Variants in TRPS1 observed in about 807,000 individuals in gnomAD.
TRPS1 encodes the protein transcriptional repressor GATA binding 1.
In TRPS1, 6 loss-of-function variants were observed where a neutral mutation model predicts 101.2. That is an observed-to-expected ratio of 0.06 (90% CI 0.03 to 0.12). The LOEUF is 0.12. Among genes scored for constraint, TRPS1 ranks in the 10% least tolerant of loss-of-function variants. The pLI is 1.00. For synonymous variants in TRPS1, 578 were observed against 589.8 expected, an observed-to-expected ratio of 0.98 and a Z score of 0.29; for missense variants, 1,363 against 1,567.0, an observed-to-expected ratio of 0.87 and a Z score of 2.20.
At chr8:115,507,278 C>G (rs552756931) in intron 5 of TRPS1, among the ~76,000 whole-genome samples, 1 of 152,162 alleles carries the variant, frequency 6.6e-6, no homozygotes, top group South Asian at 2.1e-4. Flanking sequence ...AAATAAGTTA[C>G]AGCTGATTTT....
intron 1 of TRPS1, among the ~76,000 whole-genome samples, chr8:115,625,235 T>C (rs1180617626): frequency 1.3e-4 from 20 of 151,936 alleles, no homozygotes; most frequent in Non-Finnish European, 8.8e-5. Context: ...AAAAATCGTA[T>C]GGAAATTGCA....
chr8:115,651,531 T>C (rs1241351749), intron 1 of TRPS1, among the ~76,000 whole-genome samples: 1 of 152,184 alleles, frequency 6.6e-6, no homozygotes, highest in Non-Finnish European at 1.5e-5. Context: ...ATGCAACACT[T>C]TTGAGAACTA....
At chr8:115,637,184 A>G (rs1222378565) in intron 1 of TRPS1, 2 of 900,556 alleles carry the variant, frequency 2.2e-6, no homozygotes, top group African/African-American at 3.6e-5. Flanking sequence ...AACAATATTA[A>G]CATATGTCAA....
intron 1 of TRPS1, chr8:115,667,771 T>C: frequency 1.4e-6 from 2 of 1,445,884 alleles, no homozygotes; most frequent in Non-Finnish European, 1.8e-6. Flanking sequence ...ATTTGCAAAC[T>C]CTTCAAAGCC....
intron 3 of TRPS1, among the ~76,000 whole-genome samples, chr8:115,612,925 G>A (rs1380318247): frequency 6.6e-6 from 1 of 152,098 alleles, no homozygotes; most frequent in Non-Finnish European, 1.5e-5. Flanking sequence ...GTAGGCGGAG[G>A]ATAAAACCTT....
At chr8:115,641,879 C>T (rs1200312504) in intron 1 of TRPS1, among the ~76,000 whole-genome samples, 2 of 146,958 alleles carry the variant, frequency 1.4e-5, no homozygotes, top group Non-Finnish European at 2.9e-5. Flanking sequence ...GTCTCCGTCT[C>T]GAAAACAAAA....
chr8:115,533,353 A>G (rs1370572449), intron 5 of TRPS1, among the ~76,000 whole-genome samples: 1 of 150,868 alleles, frequency 6.6e-6, no homozygotes, highest in Non-Finnish European at 1.5e-5. Flanking sequence ...CCTGTCTACA[A>G]TGCCACACAG....
intron 1 of TRPS1, among the ~76,000 whole-genome samples, chr8:115,628,509 C>T (rs1047250883): frequency 2.6e-5 from 4 of 151,530 alleles, no homozygotes; most frequent in Non-Finnish European, 4.4e-5. Flanking sequence ...GAAAACTGAT[C>T]TTAAAATATA....
At chr8:115,662,389 C>T (rs985909989) in intron 1 of TRPS1, among the ~76,000 whole-genome samples, 4 of 151,652 alleles carry the variant, frequency 2.6e-5, no homozygotes, top group Admixed American at 1.3e-4. Context: ...GCAAAGTCCA[C>T]GACAAGTAAC....
At chr8:115,629,218 G>T (rs1818582619) in intron 1 of TRPS1, among the ~76,000 whole-genome samples, 1 of 151,778 alleles carries the variant, frequency 6.6e-6, no homozygotes, top group Non-Finnish European at 1.5e-5. Flanking sequence ...AAGATGTTTT[G>T]TTATGAAGAG....
At chr8:115,550,361 ACTCTCATGCTGG>A (rs1339627581) in intron 5 of TRPS1, among the ~76,000 whole-genome samples, 1 of 152,060 alleles carries the variant, frequency 6.6e-6, no homozygotes, top group African/African-American at 2.4e-5. Flanking sequence ...ATACTGGTGG[ACTCTCATGCTGG>A]CTCAGCCACT....
chr8:115,550,931 G>A (rs893289760), intron 5 of TRPS1, among the ~76,000 whole-genome samples: 4 of 152,092 alleles, frequency 2.6e-5, no homozygotes, highest in Admixed American at 6.5e-5. Flanking sequence ...AGTAATACAA[G>A]TTCTACAAAG....
At chr8:115,566,235 A>G (rs1354357986) in intron 5 of TRPS1, among the ~76,000 whole-genome samples, 1 of 152,192 alleles carries the variant, frequency 6.6e-6, no homozygotes, top group African/African-American at 2.4e-5. Flanking sequence ...CCCCCAGTCT[A>G]CAAGATGGCC....
intron 1 of TRPS1, among the ~76,000 whole-genome samples, chr8:115,654,830 C>A (rs1392229899): frequency 6.6e-6 from 1 of 152,138 alleles, no homozygotes; most frequent in Admixed American, 6.5e-5. Flanking sequence ...ATGCCCATAT[C>A]TAAAGTACTG....
At chr8:115,620,923 AAAG>A (rs1216641929) in intron 2 of TRPS1, among the ~76,000 whole-genome samples, 1 of 152,206 alleles carries the variant, frequency 6.6e-6, no homozygotes. Context: ...ACTGACTAAG[AAAG>A]AAGATTAAGC....
chr8:115,594,611 T>TG (rs1817746624), intron 4 of TRPS1, among the ~76,000 whole-genome samples: 8 of 150 alleles, frequency 0.053, no homozygotes, highest in South Asian at 0.33. Context: ...AGAACCTCTG[T>TG]GAAAAATGTT....
chr8:115,637,067 AG>A (rs1361517515), intron 1 of TRPS1, among the ~76,000 whole-genome samples: 2 of 152,202 alleles, frequency 1.3e-5, no homozygotes, highest in African/African-American at 4.8e-5. Context: ...AACAGTTAAC[AG>A]AGATGAGAGT....
At chr8:115,452,837 C>T (rs954013541) in intron 5 of TRPS1, among the ~76,000 whole-genome samples, 1 of 152,118 alleles carries the variant, frequency 6.6e-6, no homozygotes, top group African/African-American at 2.4e-5. Flanking sequence ...GTCTCTTTTA[C>T]CTAAATCATT....
At chr8:115,580,070 A>G (rs559038907) in intron 5 of TRPS1, among the ~76,000 whole-genome samples, 7 of 152,132 alleles carry the variant, frequency 4.6e-5, no homozygotes, top group East Asian at 1.9e-4. Context: ...TCAAACATCA[A>G]TGAAACAATT....
Sources: gnomAD v4.1 joint callset for allele counts (sites outside exome capture counted in the v4.1 genomes callset) on GRCh38, gnomAD v4.1.1 for gene constraint, MANE v1.5 for transcripts, NCBI Gene and HGNC (gene_info 2026-07-23, HGNC 2026-07-21) for gene names.